Variants in RADIL observed in about 807,000 individuals in gnomAD.
RADIL encodes the protein Rap associating with DIL domain, also known as ras-associating and dilute domain-containing protein.
In RADIL, 99 loss-of-function variants were observed where a neutral mutation model predicts 97.6. The ratio of observed to expected loss-of-function variants is 1.01; its 90% CI spans 0.86 to 1.20. The LOEUF is 1.20. Among genes scored for constraint, RADIL ranks in the 50% most tolerant of loss-of-function variants. RADIL has a pLI of 0.00. For synonymous variants in RADIL, 803 were observed against 691.8 expected, an observed-to-expected ratio of 1.16 and a Z score of -2.52; for missense variants, 1,765 against 1,498.9, an observed-to-expected ratio of 1.18 and a Z score of -2.93.
intron 4 of RADIL, among the ~76,000 whole-genome samples, chr7:4,833,288 T>C (rs895762293): frequency 2.0e-5 from 3 of 152,140 alleles, no homozygotes; most frequent in Non-Finnish European, 4.4e-5. Context: ...TGCAAGTAAG[T>C]GCCTGGCGCA....
Position 4,799,695 on chromosome 7 carries a change from GCGCCCGT to G in RADIL, c.3050_3056del (p.Asp1017AlafsTer11), listed in dbSNP as rs1483897658. On this transcript the variant is annotated frameshift_variant, in exon 14 of 15. Transcript: ENST00000399583. LOFTEE classifies it high-confidence loss of function. Reference sequence around the variant, plus strand: ...CCAGGATACGGTCCCCCAGCGACAGGCGCCCGTCGGCCGCTGCGGGGCTGCCCGGGAG... The same window carrying G: ...CCAGGATACGGTCCCCCAGCGACAGGCGGCCGCTGCGGGGCTGCCCGGGAG... The G allele has an allele frequency of 6.3e-7, 1 of 1,579,464 alleles. No homozygotes were observed. The highest frequency in any genetic ancestry group is 8.6e-7 in the Non-Finnish European group (1 of 1,164,500).
rs1460647011 is a variant in RADIL at position 4,822,574 on chromosome 7, A to G, written c.1455-20T>C. On this transcript the variant is annotated intron_variant, in intron 5 of 14. Coordinates refer to ENST00000399583, the MANE Select transcript of RADIL (RefSeq NM_018059.5). The surrounding 1 kb of genome is among the most constrained non-coding windows in gnomAD (Gnocchi z 5.3). ...TCCTGGCTACCAAGACAGAAAGACT[A>G]AGAGTTACGCGGGGACCCGACCCTC... 6.2e-7 allele frequency: 1 copy of G among 1,610,576 alleles called. No individual in the cohort carries two copies. Among genetic ancestry groups the G allele is most frequent in the East Asian group, 2.2e-5 (1 of 44,882 alleles).
chr7:4,827,639 G>A (rs143091970), intron 5 of RADIL, among the ~76,000 whole-genome samples: 1 of 152,074 alleles, frequency 6.6e-6, no homozygotes, highest in African/African-American at 2.4e-5. Flanking sequence ...CCAGCCTGGG[G>A]GACAGGGCGA....
chr7:4,829,502 G>C (rs763376992), intron 5 of RADIL, among the ~76,000 whole-genome samples: 1 of 152,170 alleles, frequency 6.6e-6, no homozygotes, highest in Non-Finnish European at 1.5e-5. Context: ...ACCCAGGGTG[G>C]ACATCAGCAG....
At chr7:4,808,017 T>C (rs1229039946) in intron 9 of RADIL, among the ~76,000 whole-genome samples, 5 of 54,152 alleles carry the variant, frequency 9.2e-5, no homozygotes, top group African/African-American at 1.8e-4. Flanking sequence ...CTCCCTCTCC[T>C]CTCCCTCCAT....
Position 4,835,301 on chromosome 7 carries a change from G to A in RADIL, c.784-62C>T, listed in dbSNP as rs1000535315. 6.4e-6 allele frequency: 10 copies of A among 1,564,760 alleles called. No homozygotes were observed. The highest frequency in any genetic ancestry group is 1.8e-5 in the Admixed American group (1 of 55,822). ...GAGCAGCACACGGGAAAAGCGTCCCGTGTCTAGTCACTGGTTGCTGAAGCA... is the reference window on the plus strand; with the variant it reads ...GAGCAGCACACGGGAAAAGCGTCCCATGTCTAGTCACTGGTTGCTGAAGCA... On this transcript the variant is annotated intron_variant, in intron 3 of 14. Transcript: ENST00000399583. The surrounding 1 kb of genome is among the most constrained non-coding windows in gnomAD (Gnocchi z 5.8).
At chr7:4,803,103 G>A (rs868427725) in intron 11 of RADIL, among the ~76,000 whole-genome samples, 1 of 55,202 alleles carries the variant, frequency 1.8e-5, no homozygotes, top group Non-Finnish European at 3.0e-5. Context: ...CTCGGGGCAC[G>A]CTGGCTGGGG....
intron 5 of RADIL, among the ~76,000 whole-genome samples, chr7:4,830,589 C>T (rs771270536): frequency 2.6e-5 from 4 of 152,102 alleles, no homozygotes; most frequent in Admixed American, 6.6e-5. Context: ...TAAAAAAGCA[C>T]GACATCAGCC....
rs192553410 is a variant in RADIL at position 4,837,770 on chromosome 7, G to T, written c.536-1165C>A. On this transcript the variant is annotated intron_variant, in intron 2 of 14. Coordinates refer to ENST00000399583, the MANE Select transcript of RADIL (RefSeq NM_018059.5). The surrounding 1 kb of genome is among the most constrained non-coding windows in gnomAD (Gnocchi z 5.6). ...CTTAATATCTCATAAATACAGACAC[G>T]CTCTCTAAATGCATGCTCTGGGAAA... is the stretch of plus-strand genomic sequence containing the variant. 1.1e-6 allele frequency: 1 copy of T among 886,850 alleles called. No individual in the cohort carries two copies. The highest frequency in any genetic ancestry group is 1.4e-6 in the Non-Finnish European group (1 of 740,520). 54.9% of individuals were successfully genotyped at this position (886,850 alleles called of 1,614,324 possible). A position where few individuals can be genotyped will look rare whatever the true frequency, so the allele number is the denominator to read the frequency against.
Position 4,872,972 on chromosome 7 carries a change from C to T in RADIL, c.535+4633G>A, listed in dbSNP as rs959021768. On this transcript the variant is annotated intron_variant, in intron 2 of 14. Coordinates refer to ENST00000399583, the MANE Select transcript of RADIL (RefSeq NM_018059.5). The surrounding 1 kb of genome is among the most constrained non-coding windows in gnomAD (Gnocchi z 5.8). ...TTTTCTTTTGAGTCAGAGTCTCGCT[C>T]TGTCACCCAGGCTGGAGTGCAGTGG... 6.6e-6 allele frequency among the ~76,000 whole-genome samples: 1 copy of T among 152,210 alleles called. No individual in the cohort carries two copies. Among genetic ancestry groups the T allele is most frequent in the Non-Finnish European group, 1.5e-5 (1 of 68,044 alleles).
At position 4,867,864 on chromosome 7, in the gene RADIL, A is replaced by C. The variant is rs1208536381; in HGVS notation, c.535+9741T>G. On this transcript the variant is annotated intron_variant, in intron 2 of 14. Coordinates refer to ENST00000399583, the MANE Select transcript of RADIL (RefSeq NM_018059.5). This position sits in a 1 kb window ranked among gnomAD's most constrained non-coding sequence, Gnocchi z 4.1. ...AAGAAAATGATCCTATCCATCCACC[A>C]GAGCATCTGCCAACAGATTGGAAAC... Among the ~76,000 whole-genome samples the C allele has an allele frequency of 2.0e-5, 3 of 152,230 alleles. No individual in the cohort carries two copies. Among genetic ancestry groups the C allele is most frequent in the Non-Finnish European group, 2.9e-5 (2 of 68,038 alleles).
At chr7:4,800,365 G>C (rs1426762926) in intron 12 of RADIL, 55 bp from the exon 13 acceptor site, 1 of 1,405,604 alleles carries the variant, frequency 7.1e-7, no homozygotes, top group Non-Finnish European at 9.3e-7. Context: ...ATCACGACGA[G>C]GAATGGGATG....
chr7:4,869,174 C>T (rs1194734955), intron 2 of RADIL, among the ~76,000 whole-genome samples: 1 of 152,122 alleles, frequency 6.6e-6, no homozygotes, highest in East Asian at 1.9e-4. Context: ...GCCCTGTTGC[C>T]CAGGCTGGAG....
intron 2 of RADIL, among the ~76,000 whole-genome samples, chr7:4,838,284 C>A (rs964267319): frequency 6.6e-6 from 1 of 152,198 alleles, no homozygotes; most frequent in African/African-American, 2.4e-5. Context: ...ACTATGGGGC[C>A]AGATCCGAAA....
At chr7:4,860,097 C>T in intron 2 of RADIL, 1 of 1,614,024 alleles carries the variant, frequency 6.2e-7, no homozygotes, top group South Asian at 1.1e-5. Flanking sequence ...AATTCAGTAG[C>T]CTGTATGTTA....
chr7:4,807,776 C>CGCT, intron 9 of RADIL, among the ~76,000 whole-genome samples: 1 of 86,624 alleles, frequency 1.2e-5, no homozygotes, highest in Non-Finnish European at 2.4e-5. Flanking sequence ...CGTCTCTCTC[C>CGCT]CCTTCCTCCT....
Position 4,800,244 on chromosome 7 carries a change from T to C in RADIL, c.2909A>G (p.Asp970Gly). 1 of 1,587,532 alleles carries C rather than the reference T, an allele frequency of 6.3e-7. No homozygotes were observed. The highest frequency in any genetic ancestry group is 8.6e-7 in the Non-Finnish European group (1 of 1,169,204). Residue 970 changes from aspartate to glycine, a missense_variant, in exon 13 of 15, where the codon GAC becomes GGC. Physicochemically the swap from Asp to Gly is moderately conservative, Grantham distance 94 (BLOSUM62 -1). Transcript: ENST00000399583. Reference sequence around the variant, plus strand: ...CTCCACCGTGAAGACGTAGCAGAAGTCCTCGGTGCTGGAGCTGCGGCTGGA... The same window carrying C: ...CTCCACCGTGAAGACGTAGCAGAAGCCCTCGGTGCTGGAGCTGCGGCTGGA... ...APSSRSSSTEDFCYVFTVELE... is the reference protein window; with the variant it reads ...APSSRSSSTEGFCYVFTVELE...
chr7:4,839,933 G>C (rs1281880012), intron 2 of RADIL, among the ~76,000 whole-genome samples: 3 of 152,144 alleles, frequency 2.0e-5, no homozygotes, highest in Admixed American at 2.0e-4. Context: ...CTTTAGATTA[G>C]AGACAGGGTT....
At chr7:4,871,076 T>G (rs1488387307) in intron 2 of RADIL, among the ~76,000 whole-genome samples, 2 of 152,232 alleles carry the variant, frequency 1.3e-5, no homozygotes, top group East Asian at 3.9e-4. Context: ...TCAATAACTT[T>G]TCTAGTTTTA....
Sources: allele counts gnomAD v4.1 joint callset (sites outside exome capture counted in the v4.1 genomes callset), GRCh38; gene constraint gnomAD v4.1.1; non-coding constraint Gnocchi (gnomAD v3.1); transcripts MANE v1.5; gene names NCBI Gene and HGNC (gene_info 2026-07-23, HGNC 2026-07-21).